The following CNBD1 variants were observed in gnomAD, a reference collection of about 807,000 sequenced individuals.
CNBD1 encodes the protein cyclic nucleotide-binding domain-containing protein 1.
A neutral mutation model predicts 54.4 loss-of-function variants in CNBD1; 71 were observed. The observed-to-expected ratio is 1.30, with a 90% CI of 1.08 to 1.59. CNBD1 has a LOEUF of 1.59. Among genes scored for constraint, CNBD1 ranks in the 40% most tolerant of loss-of-function variants. The probability of loss-of-function intolerance (pLI) is 0.00; values close to 1 mark genes in which losing one functional copy is unlikely to be tolerated. For missense variants in CNBD1, 659 were observed against 518.0 expected (o/e 1.27, Z -2.64); for synonymous variants, 182 against 170.7 (o/e 1.07, Z -0.51).
chr8:86,969,784 A>ATG, intron 4 of CNBD1, among the ~76,000 whole-genome samples: 1 of 36,482 alleles, frequency 2.7e-5, no homozygotes, highest in Non-Finnish European at 6.3e-5. Flanking sequence ...AGTGTTTTAT[A>ATG]TATATATATA....
chr8:87,137,600 A>T (rs1441401384), intron 4 of CNBD1, among the ~76,000 whole-genome samples: 1 of 152,152 alleles, frequency 6.6e-6, no homozygotes, highest in Non-Finnish European at 1.5e-5. Context: ...CCTGGCCAAA[A>T]CCAAGGAGTC....
intron 4 of CNBD1, among the ~76,000 whole-genome samples, chr8:86,975,153 T>C (rs986149821): frequency 2.0e-5 from 3 of 152,054 alleles, no homozygotes; most frequent in African/African-American, 7.2e-5. Flanking sequence ...TGGCTTACAG[T>C]GTGATGTTTT....
At chr8:87,365,783 A>G (rs1177581081) in intron 10 of CNBD1, among the ~76,000 whole-genome samples, 2 of 152,064 alleles carry the variant, frequency 1.3e-5, no homozygotes, top group East Asian at 3.9e-4. Context: ...TTAAAATATA[A>G]TCAGAAGCAA....
chr8:87,157,379 G>A (rs1331450421), intron 4 of CNBD1, among the ~76,000 whole-genome samples: 1 of 152,144 alleles, frequency 6.6e-6, no homozygotes. Context: ...AACATCAATG[G>A]CAGAGTTAAT....
At chr8:87,393,063 G>A (rs1811340838) in intron 2 of CNBD1, among the ~76,000 whole-genome samples, 2 of 152,012 alleles carry the variant, frequency 1.3e-5, no homozygotes, top group East Asian at 1.9e-4. Flanking sequence ...TAGGACAGAG[G>A]AATTATAAAT....
intron 4 of CNBD1, among the ~76,000 whole-genome samples, chr8:86,957,156 C>A (rs971898072): frequency 3.9e-5 from 6 of 152,296 alleles, no homozygotes; most frequent in Non-Finnish European, 8.8e-5. Flanking sequence ...GTTGAACTAG[C>A]CTTGCATCCC....
At chr8:87,342,602 A>G (rs1271203201) in intron 8 of CNBD1, among the ~76,000 whole-genome samples, 6 of 152,166 alleles carry the variant, frequency 3.9e-5, no homozygotes, top group Non-Finnish European at 8.8e-5. Context: ...AGTCTGAGAA[A>G]TAAAGAGAAA....
intron 6 of CNBD1, among the ~76,000 whole-genome samples, chr8:87,266,717 G>A (rs1378024583): frequency 6.6e-6 from 1 of 151,928 alleles, no homozygotes; most frequent in African/African-American, 2.4e-5. Flanking sequence ...CTCCCAAAGT[G>A]CTGGGATTAC....
At chr8:86,914,576 C>T (rs1469736676) in intron 3 of CNBD1, among the ~76,000 whole-genome samples, 1 of 152,022 alleles carries the variant, frequency 6.6e-6, no homozygotes, top group Non-Finnish European at 1.5e-5. Context: ...TGACTGTATT[C>T]AGATTACTCA....
At chr8:87,176,129 C>T in intron 4 of CNBD1, among the ~76,000 whole-genome samples, 1 of 152,186 alleles carries the variant, frequency 6.6e-6, no homozygotes, top group Admixed American at 6.5e-5. Flanking sequence ...TCAAGACTGT[C>T]TTTTCTACCC....
chr8:87,388,416 G>T (rs1433729671), intron 2 of CNBD1, among the ~76,000 whole-genome samples: 1 of 151,862 alleles, frequency 6.6e-6, no homozygotes, highest in Admixed American at 6.6e-5. Flanking sequence ...TGATAAAGGG[G>T]ATATCACCAC....
At chr8:87,411,397 C>CATTTATATATATATATATATATAT (rs1554588018) in intron 2 of CNBD1, among the ~76,000 whole-genome samples, 1 of 92,412 alleles carries the variant, frequency 1.1e-5, no homozygotes, top group Non-Finnish European at 2.0e-5. Context: ...CTAGCTATAT[C>CATTTATATATATATATATATATAT]ATATATATAT....
intron 6 of CNBD1, among the ~76,000 whole-genome samples, chr8:87,274,359 G>A (rs369309177): frequency 2.0e-3 from 292 of 148,096 alleles, no homozygotes; most frequent in African/African-American, 5.9e-3. Context: ...GACTTCCACA[G>A]TGGTTGAACT....
intron 8 of CNBD1, among the ~76,000 whole-genome samples, chr8:87,319,990 A>G (rs536474486): frequency 6.6e-6 from 1 of 152,170 alleles, no homozygotes; most frequent in Admixed American, 6.6e-5. Context: ...TGAATTTCAA[A>G]AAGTATGTCC....
chr8:87,378,461 T>A (rs1810997689), intron 10 of CNBD1, among the ~76,000 whole-genome samples: 1 of 151,152 alleles, frequency 6.6e-6, no homozygotes, highest in East Asian at 1.9e-4. Flanking sequence ...ATCAGATAGT[T>A]GTAGATATGT....
chr8:86,870,189 C>CCTTT (rs1554626453), intron 1 of CNBD1, among the ~76,000 whole-genome samples: 7 of 100,616 alleles, frequency 7.0e-5, no homozygotes, highest in Non-Finnish European at 9.4e-5. Context: ...AGATAGTACT[C>CCTTT]TTTTTTTTTT....
intron 8 of CNBD1, among the ~76,000 whole-genome samples, chr8:87,291,654 G>C (rs1179097440): frequency 3.9e-5 from 6 of 151,974 alleles, no homozygotes; most frequent in Non-Finnish European, 7.4e-5. Flanking sequence ...ATTTTTTGGG[G>C]TGAGGGGGCA....
At chr8:87,156,268 C>T (rs952087851) in intron 4 of CNBD1, among the ~76,000 whole-genome samples, 5 of 41,462 alleles carry the variant, frequency 1.2e-4, no homozygotes, top group African/African-American at 7.0e-4. Flanking sequence ...TACACACACA[C>T]ATATGTCACT....
intron 10 of CNBD1, among the ~76,000 whole-genome samples, chr8:87,359,092 C>G (rs1052268330): frequency 1.5e-4 from 23 of 152,136 alleles, no homozygotes; most frequent in Non-Finnish European, 1.0e-4. Context: ...CAAGGTGGCA[C>G]ATAAAGTTAA....
Sources: gnomAD v4.1 joint callset for allele counts (sites outside exome capture counted in the v4.1 genomes callset) on GRCh38, gnomAD v4.1.1 for gene constraint, MANE v1.5 for transcripts, NCBI Gene and HGNC (gene_info 2026-07-23, HGNC 2026-07-21) for gene names.